NFE2L3: variants seen among roughly 807,000 people sequenced by gnomAD.
The protein encoded by NFE2L3 is nuclear factor erythroid 2-related factor 3.
NFE2L3 carries 18 observed loss-of-function variants against 23.5 expected under a neutral mutation model. The ratio of observed to expected loss-of-function variants is 0.77; its 90% CI spans 0.53 to 1.13. The LOEUF (loss-of-function observed/expected upper bound fraction) is 1.13. Ranked by LOEUF, NFE2L3 falls within the 50% of genes most tolerant of loss-of-function variation. The pLI, the probability that NFE2L3 is intolerant of heterozygous loss-of-function variation, is 0.00. For synonymous variants in NFE2L3, 424 were observed against 354.5 expected (o/e 1.20, Z -2.20); for missense variants, 1,152 against 877.2 (o/e 1.31, Z -3.96).
intron 1 of NFE2L3, among the ~76,000 whole-genome samples, chr7:26,161,789 G>A (rs905056777): frequency 3.3e-5 from 5 of 151,884 alleles, no homozygotes; most frequent in Admixed American, 6.6e-5. Context: ...TTGGGGAATG[G>A]GGATCTAGCA....
intron 2 of NFE2L3, among the ~76,000 whole-genome samples, chr7:26,179,820 C>G (rs557535430): frequency 6.6e-6 from 1 of 152,288 alleles, no homozygotes; most frequent in African/African-American, 2.4e-5. Context: ...GTGCTAAGAA[C>G]ATAGGAAATT....
At chr7:26,162,255 T>C (rs559391703) in intron 1 of NFE2L3, among the ~76,000 whole-genome samples, 88 of 151,412 alleles carry the variant, frequency 5.8e-4, no homozygotes, top group African/African-American at 2.1e-3. Context: ...GGTGTCAGTT[T>C]ACATGGGTGC....
intron 2 of NFE2L3, among the ~76,000 whole-genome samples, chr7:26,182,307 A>ATGCT (rs1160492291): frequency 6.8e-6 from 1 of 147,952 alleles, no homozygotes; most frequent in Admixed American, 6.7e-5. Flanking sequence ...CAGTTAACTC[A>ATGCT]TCATTTAAGC....
Position 26,185,199 on chromosome 7 carries a change from C to T in NFE2L3, c.1501C>T (p.His501Tyr), listed in dbSNP as rs767645581. 10 of 1,613,844 alleles carry T rather than the reference C, an allele frequency of 6.2e-6. No individual in the cohort carries two copies. The highest frequency in any genetic ancestry group is 8.5e-6 in the Non-Finnish European group (10 of 1,179,860). The change falls in exon 4 of 4, where the codon CAC becomes TAC. Residue 501 changes from histidine (H) to tyrosine (Y), a missense_variant. Transcript: ENST00000056233. ...FQHVFHNHTY[H>Y]LQPTAPESTS... is the part of the protein sequence containing the mutation. ...ACACGTATTTCATAACCACACTTAC[C>T]ACTTACAGCCAACTGCACCAGAATC...
In NFE2L3 at chr7:26,183,702, G is replaced by C. The variant is rs775334870; in HGVS notation, c.752G>C (p.Arg251Thr). ...AEKTTESRNE[R>T]HLNGTDTSFS... ...TGCACTTTTTGTGTTTCTCTACAGA[G>C]ACATCTGAATGGGACAGATACTTCT... The change falls in exon 3 of 4, where the codon AGA (arginine) becomes ACA (threonine). Residue 251 changes from arginine to threonine, a missense_variant and splice_region_variant. Physicochemically the swap from Arg to Thr is moderately conservative, Grantham distance 71 (BLOSUM62 -1). Coordinates refer to ENST00000056233, the MANE Select transcript of NFE2L3 (RefSeq NM_004289.7). 15 of 1,602,290 alleles carry C rather than the reference G, an allele frequency of 9.4e-6. No homozygotes were observed. Among genetic ancestry groups the C allele is most frequent in the East Asian group, 2.2e-5 (1 of 44,832 alleles).
intron 3 of NFE2L3, chr7:26,184,154 C>G (rs1409962235): frequency 6.1e-6 from 2 of 328,566 alleles, no homozygotes; most frequent in Non-Finnish European, 1.1e-5. Context: ...TTTAAACAGC[C>G]TCTCTCCTCC....
chr7:26,160,626 A>G (rs569640246), intron 1 of NFE2L3, among the ~76,000 whole-genome samples: 1 of 152,332 alleles, frequency 6.6e-6, no homozygotes, highest in Non-Finnish European at 1.5e-5. Context: ...TTTCTTCTTT[A>G]TCAAGGAAAC....
chr7:26,153,097 T>C, intron 1 of NFE2L3, 29 bp downstream of exon 1: 5 of 1,504,012 alleles, frequency 3.3e-6, no homozygotes, highest in South Asian at 1.2e-5. Context: ...GCGAGCGAAG[T>C]GCGGCGTCTA....
chr7:26,184,732 T>TA lies in NFE2L3; in HGVS notation c.1037dup (p.Asn346LysfsTer8), dbSNP rs780871390. 6 of 1,613,908 alleles carry TA rather than the reference T, an allele frequency of 3.7e-6. No homozygotes were observed. The highest frequency in any genetic ancestry group is 2.2e-5 in the East Asian group (1 of 44,868). ...CAGTCACAAGAACCATTTCTGCAGT[T>TA]AAATTCTCATACCACCAATCCTGAG... On this transcript the variant is annotated frameshift_variant, in exon 4 of 4. Coordinates refer to ENST00000056233, the MANE Select transcript of NFE2L3 (RefSeq NM_004289.7). LOFTEE classifies it low-confidence loss of function (END_TRUNC).
At chr7:26,154,741 A>G (rs1240959812) in intron 1 of NFE2L3, among the ~76,000 whole-genome samples, 1 of 152,044 alleles carries the variant, frequency 6.6e-6, no homozygotes, top group African/African-American at 2.4e-5. Context: ...AGGTCTCGCT[A>G]TGTTGCCTAG....
At chr7:26,172,956 C>T (rs1320355622) in intron 1 of NFE2L3, among the ~76,000 whole-genome samples, 1 of 152,020 alleles carries the variant, frequency 6.6e-6, no homozygotes, top group Non-Finnish European at 1.5e-5. Context: ...AATTAAGCAT[C>T]CATTGATGGT....
intron 1 of NFE2L3, among the ~76,000 whole-genome samples, chr7:26,170,727 C>G (rs1784319689): frequency 6.6e-6 from 1 of 151,982 alleles, no homozygotes; most frequent in African/African-American, 2.4e-5. Flanking sequence ...ATTCTTTTTT[C>G]AAAACCAGGA....
At chr7:26,171,300 C>T (rs1423904751) in intron 1 of NFE2L3, among the ~76,000 whole-genome samples, 1 of 152,264 alleles carries the variant, frequency 6.6e-6, no homozygotes, top group Admixed American at 6.5e-5. Flanking sequence ...AATCCCAGTA[C>T]TTTGGGAGGC....
rs375326893 is a variant in NFE2L3 at position 26,184,799 on chromosome 7, G to A, written c.1101G>A (p.Pro367=). The A allele has an allele frequency of 1.1e-5, 18 of 1,613,896 alleles. No individual in the cohort carries two copies. The highest frequency in any genetic ancestry group is 3.3e-5 in the Admixed American group (2 of 60,006). The change falls in exon 4 of 4, where the codon CCG becomes CCA. Residue 367 remains proline, a synonymous_variant. Transcript: ENST00000056233. ...CTAATTTGACAGGATTTCTTTCACC[G>A]GTTGACAATCATATGAGGAATCTAA... ...PGTNLTGFLS[P]VDNHMRNLTS... is the part of the protein sequence containing the mutation.
rs1420459757 is a variant in NFE2L3, at chr7:26,177,164, A to G, written c.571-779A>G. 1.5e-4 allele frequency among the ~76,000 whole-genome samples: 22 copies of G among 150,970 alleles called. 2 individuals are homozygous for G. Among genetic ancestry groups the G allele is most frequent in the Non-Finnish European group, 1.6e-4 (11 of 67,718 alleles). On this transcript the variant is annotated intron_variant, in intron 1 of 3. Coordinates refer to ENST00000056233, the MANE Select transcript of NFE2L3 (RefSeq NM_004289.7). ...CTTACATCCCAGACGATGGGTGGCC[A>G]GGCAGAGACGCTCCTCACTTCCTAG...
chr7:26,179,755 T>C (rs1426065193), intron 2 of NFE2L3, among the ~76,000 whole-genome samples: 1 of 152,158 alleles, frequency 6.6e-6, no homozygotes, highest in Non-Finnish European at 1.5e-5. Flanking sequence ...TTCAGCATCT[T>C]TCCTCAGTTT....
At position 26,185,045 on chromosome 7, in the gene NFE2L3, T is replaced by C. The variant is rs376115421; in HGVS notation, c.1347T>C (p.Tyr449=). 4.3e-6 allele frequency: 7 copies of C among 1,613,800 alleles called. No individual in the cohort carries two copies. Among genetic ancestry groups the C allele is most frequent in the Admixed American group, 1.7e-5 (1 of 59,996 alleles). Residue 449 remains tyrosine, a synonymous_variant, in exon 4 of 4, where the codon TAT becomes TAC. Transcript: ENST00000056233. ...TGTGTGATGAAGGTGCTATAGGTTA[T>C]TGCACTGACCATGAATCTAGTTCCC... The part of the protein sequence containing the change: ...HSVCDEGAIG[Y]CTDHESSSHH...
chr7:26,185,206 A>G lies in NFE2L3; in HGVS notation c.1508A>G (p.Gln503Arg). 6.2e-7 allele frequency: 1 copy of G among 1,613,940 alleles called. No individual in the cohort carries two copies. The highest frequency in any genetic ancestry group is 8.5e-7 in the Non-Finnish European group (1 of 1,179,890). ...HVFHNHTYHL[Q>R]PTAPESTSEP... is the part of the protein sequence containing the mutation. ...TTTCATAACCACACTTACCACTTAC[A>G]GCCAACTGCACCAGAATCTACTTCT... The change falls in exon 4 of 4, where the codon CAG becomes CGG. Residue 503 changes from glutamine to arginine, a missense_variant. Transcript: ENST00000056233.
Position 26,184,844 on chromosome 7 carries a change from T to G in NFE2L3, c.1146T>G (p.Tyr382Ter). ...ATCTAACAAGCCAAGACCTACTGTA[T>G]GACCTTGACATAAATATATTTGATG... is the stretch of plus-strand genomic sequence containing the variant. ...MRNLTSQDLL[Y>*]DLDINIFDEI... Residue 382 changes from tyrosine (Y) to a stop codon, truncating the protein, a stop_gained, in exon 4 of 4, where the codon TAT becomes TAG. Coordinates refer to ENST00000056233, the MANE Select transcript of NFE2L3 (RefSeq NM_004289.7). LOFTEE classifies it low-confidence loss of function (END_TRUNC). 6.2e-7 allele frequency: 1 copy of G among 1,613,996 alleles called. No homozygotes were observed. Among genetic ancestry groups the G allele is most frequent in the Non-Finnish European group, 8.5e-7 (1 of 1,179,846 alleles).
Sources: gnomAD v4.1 joint callset for allele counts (sites outside exome capture counted in the v4.1 genomes callset) on GRCh38, gnomAD v4.1.1 for gene constraint, MANE v1.5 for transcripts, NCBI Gene and HGNC (gene_info 2026-07-23, HGNC 2026-07-21) for gene names.